The following KIDINS220 variants were observed in gnomAD, a reference collection of about 807,000 sequenced individuals.
KIDINS220 encodes kinase D-interacting substrate of 220 kDa.
KIDINS220 carries 63 observed loss-of-function variants against 157.6 expected under a neutral mutation model. That is an observed-to-expected ratio of 0.40 (90% CI 0.33 to 0.49). KIDINS220 has a LOEUF of 0.49. Among genes scored for constraint, KIDINS220 ranks in the 20% least tolerant of loss-of-function variants. The pLI, the probability that KIDINS220 is intolerant of heterozygous loss-of-function variation, is 0.66. For missense variants in KIDINS220, 1,772 were observed against 2,171.2 expected (o/e 0.82, Z 3.65); for synonymous variants, 732 against 783.6 (o/e 0.93, Z 1.10).
At chr2:8,816,389 A>T (rs1241610277) in intron 4 of KIDINS220, among the ~76,000 whole-genome samples, 1 of 152,178 alleles carries the variant, frequency 6.6e-6, no homozygotes, top group East Asian at 1.9e-4. Flanking sequence ...TCCAGTCTCA[A>T]TTTCCTCAAC....
At chr2:8,778,052 GC>G (rs1671207742) in intron 20 of KIDINS220, among the ~76,000 whole-genome samples, 1 of 152,138 alleles carries the variant, frequency 6.6e-6, no homozygotes, top group African/African-American at 2.4e-5. Context: ...TGTCACAACT[GC>G]CCTGCAAGTG....
intron 1 of KIDINS220, among the ~76,000 whole-genome samples, chr2:8,831,642 C>T (rs1679639966): frequency 6.6e-6 from 1 of 152,196 alleles, no homozygotes; most frequent in South Asian, 2.1e-4. Context: ...CTCCATTTTA[C>T]TCACTCTCTC....
At chr2:8,762,628 A>C (rs184356449) in intron 22 of KIDINS220, among the ~76,000 whole-genome samples, 3,426 of 152,108 alleles carry the variant, frequency 0.023, 125 homozygotes, top group African/African-American at 0.078. Context: ...AGTCCCAGTT[A>C]CTCAGGAGGC....
At chr2:8,798,908 TAGGTA>T (rs1486001628) in intron 9 of KIDINS220, among the ~76,000 whole-genome samples, 1 of 152,192 alleles carries the variant, frequency 6.6e-6, no homozygotes, top group African/African-American at 2.4e-5. Context: ...GCAAGGAAGT[TAGGTA>T]AAAGTCCAAG....
intron 11 of KIDINS220, among the ~76,000 whole-genome samples, chr2:8,794,713 CTCT>C (rs1472443759): frequency 6.6e-6 from 1 of 152,170 alleles, no homozygotes; most frequent in African/African-American, 2.4e-5. Context: ...TTCAAAAGTC[CTCT>C]TCGGGCTGCA....
intron 12 of KIDINS220, among the ~76,000 whole-genome samples, chr2:8,792,140 G>C (rs1673276223): frequency 1.3e-5 from 2 of 151,972 alleles, no homozygotes; most frequent in African/African-American, 4.8e-5. Context: ...GTAGAAAAAA[G>C]TAAAACCATA....
intron 2 of KIDINS220, 28 bp downstream of exon 2, chr2:8,826,958 G>T: frequency 7.9e-7 from 1 of 1,261,674 alleles, no homozygotes; most frequent in Non-Finnish European, 1.2e-6. Context: ...ATTTGTGAAA[G>T]AATGTAATTT....
In KIDINS220 at chr2:8,800,385, T is replaced by C; in HGVS notation, c.900+15A>G. 3.2e-6 allele frequency: 5 copies of C among 1,548,426 alleles called. No homozygotes were observed. The highest frequency in any genetic ancestry group is 4.4e-6 in the Non-Finnish European group (5 of 1,128,902). The stretch of plus-strand genomic sequence containing the variant: ...TTATACTCTAAGATAGCAACTGCAC[T>C]GTAATCACACATACCTGTCCTCTAA... On this transcript the variant is annotated intron_variant, in intron 9 of 29. Coordinates refer to ENST00000256707, the MANE Select transcript of KIDINS220 (RefSeq NM_020738.4).
At chr2:8,785,184 G>A (rs1227065037) in intron 17 of KIDINS220, among the ~76,000 whole-genome samples, 1 of 152,146 alleles carries the variant, frequency 6.6e-6, no homozygotes, top group Non-Finnish European at 1.5e-5. Flanking sequence ...TCAACTATAT[G>A]ACATTCTGGA....
rs376711166 is a variant in KIDINS220 at position 8,733,492 on chromosome 2, C to G, written c.4005G>C (p.Thr1335=). ...TLNFSFEELN[T]LGLDEGAPRH... ...GAGGGGCACCTTCATCCAGGCCAAG[C>G]GTGTTCAGCTCTTCGAAGCTGAAGT... Residue 1335 remains threonine (T), a synonymous_variant, in exon 29 of 30, where the codon ACG becomes ACC. Transcript: ENST00000256707. The G allele has an allele frequency of 1.7e-5, 28 of 1,613,992 alleles. No individual in the cohort carries two copies. The highest frequency in any genetic ancestry group is 2.4e-5 in the Non-Finnish European group (28 of 1,180,034).
intron 7 of KIDINS220, 134 bp from the exon 8 acceptor site, chr2:8,803,261 T>C (rs1674976047): frequency 1.3e-6 from 1 of 758,782 alleles, no homozygotes; most frequent in African/African-American, 1.8e-5. Flanking sequence ...TCATTTCCAA[T>C]AGTAAAATGC....
chr2:8,827,010 G>A lies in KIDINS220; in HGVS notation c.84C>T (p.Cys28=). 1 of 1,607,434 alleles carries A rather than the reference G, an allele frequency of 6.2e-7. No individual in the cohort carries two copies. Among genetic ancestry groups the A allele is most frequent in the Middle Eastern group, 1.7e-4 (1 of 6,034 alleles). The change falls in exon 2 of 30, where the codon TGC becomes TGT. Residue 28 remains cysteine, a synonymous_variant. Coordinates refer to ENST00000256707, the MANE Select transcript of KIDINS220 (RefSeq NM_020738.4). ...IPALKALLEK[C]KDVDERNECG... is the part of the protein sequence containing the mutation. Reference sequence around the variant, plus strand: ...CCTCATTTCTCTCATCTACATCTTTGCATTTTTCAAGAAGAGCTTTCAGAG... The same window carrying A: ...CCTCATTTCTCTCATCTACATCTTTACATTTTTCAAGAAGAGCTTTCAGAG...
In KIDINS220 at chr2:8,791,233, A is replaced by C. The variant is rs1673134346; in HGVS notation, c.1277-9T>G. On this transcript the variant is annotated splice_polypyrimidine_tract_variant and intron_variant, in intron 12 of 29. Transcript: ENST00000256707. ...AGTAGGAGACAAGTGTCCTGTAATTAAAACACATCATATCTTACATTAAAC... is the reference window on the plus strand; with the variant it reads ...AGTAGGAGACAAGTGTCCTGTAATTCAAACACATCATATCTTACATTAAAC... 1 of 1,608,132 alleles carries C rather than the reference A, an allele frequency of 6.2e-7. No homozygotes were observed. The highest frequency in any genetic ancestry group is 8.5e-7 in the Non-Finnish European group (1 of 1,175,464).
At chr2:8,742,706 C>T (rs1159408291) in intron 26 of KIDINS220, among the ~76,000 whole-genome samples, 1 of 152,150 alleles carries the variant, frequency 6.6e-6, no homozygotes, top group East Asian at 1.9e-4. Flanking sequence ...ACCGATAATT[C>T]CCTCGGTGGC....
At chr2:8,763,190 C>G (rs1176120070) in intron 22 of KIDINS220, among the ~76,000 whole-genome samples, 1 of 152,190 alleles carries the variant, frequency 6.6e-6, no homozygotes, top group Non-Finnish European at 1.5e-5. Context: ...AGAGGACAGG[C>G]TCCTGGCCCC....
chr2:8,726,886 C>T, downstream of KIDINS220: 1 of 1,286,180 alleles, frequency 7.8e-7, no homozygotes, highest in Non-Finnish European at 1.0e-6. Context: ...TTTTTACATA[C>T]CTTAGTTTAA....
chr2:8,831,937 CCAAA>C (rs1679684090), intron 1 of KIDINS220, among the ~76,000 whole-genome samples: 1 of 152,202 alleles, frequency 6.6e-6, no homozygotes, highest in African/African-American at 2.4e-5. Flanking sequence ...CACAAAATGC[CCAAA>C]CATCTTCCTA....
At chr2:8,822,754 C>G (rs1483044078) in intron 2 of KIDINS220, among the ~76,000 whole-genome samples, 4 of 152,180 alleles carry the variant, frequency 2.6e-5, no homozygotes, top group African/African-American at 9.6e-5. Context: ...ATACCAAGGA[C>G]AGCTGACAGT....
intron 26 of KIDINS220, among the ~76,000 whole-genome samples, chr2:8,746,103 A>AT (rs1231470460): frequency 0.12 from 17,266 of 140,506 alleles, 3,115 homozygotes; most frequent in African/African-American, 0.4. Context: ...TTATACAGTA[A>AT]TTTTTTTTTT....
Sources: gnomAD v4.1 joint callset for allele counts (sites outside exome capture counted in the v4.1 genomes callset) on GRCh38, gnomAD v4.1.1 for gene constraint, MANE v1.5 for transcripts, NCBI Gene and HGNC (gene_info 2026-07-23, HGNC 2026-07-21) for gene names.